Variants in FBXO34 observed in about 807,000 individuals in gnomAD.
FBXO34 encodes the protein F-box protein 34, also known as F-box only protein 34.
A neutral mutation model predicts 24.5 loss-of-function variants in FBXO34; 12 were observed. The observed-to-expected ratio is 0.49, with a 90% CI of 0.31 to 0.79. The LOEUF (loss-of-function observed/expected upper bound fraction) is 0.79, where lower values mean the gene tolerates loss of function less well. Among genes scored for constraint, FBXO34 ranks in the 30% least tolerant of loss-of-function variants. The pLI is 0.04. For synonymous variants in FBXO34, 320 were observed against 311.9 expected, an observed-to-expected ratio of 1.03 and a Z score of -0.27; for missense variants, 823 against 857.7, an observed-to-expected ratio of 0.96 and a Z score of 0.51.
intron 1 of FBXO34, among the ~76,000 whole-genome samples, chr14:55,344,972 C>G (rs1211061181): frequency 6.6e-6 from 1 of 152,194 alleles, no homozygotes; most frequent in East Asian, 1.9e-4. Context: ...ATACCAGTGT[C>G]TAGCCCAGAG....
intron 3 of FBXO34, among the ~76,000 whole-genome samples, chr14:55,360,400 A>G (rs892491934): frequency 2.0e-5 from 3 of 152,104 alleles, no homozygotes; most frequent in Non-Finnish European, 4.4e-5. Flanking sequence ...TTGCTCATCC[A>G]TAAGAAGCAA....
chr14:55,378,172 G>A, the FBXO34 span: 1 of 974,852 alleles, frequency 1.0e-6, no homozygotes, highest in African/African-American at 1.6e-5. Flanking sequence ...CACATACTCT[G>A]TGCCCTTTTA....
intron 1 of FBXO34, among the ~76,000 whole-genome samples, chr14:55,342,099 A>G (rs773761614): frequency 6.6e-4 from 101 of 152,208 alleles, no homozygotes; most frequent in Non-Finnish European, 1.5e-4. Flanking sequence ...CCAACTTGTC[A>G]ATATTCCTTT....
the FBXO34 span, among the ~76,000 whole-genome samples, chr14:55,421,729 C>T: frequency 1.3e-5 from 2 of 152,202 alleles, no homozygotes; most frequent in Non-Finnish European, 2.9e-5. Context: ...TCCCAAAGTG[C>T]TGGGATTACA....
chr14:55,425,101 C>G, the FBXO34 span, among the ~76,000 whole-genome samples: 2 of 152,336 alleles, frequency 1.3e-5, no homozygotes, highest in East Asian at 3.9e-4. Flanking sequence ...CAGCAATGAA[C>G]AAGACCCAAA....
chr14:55,362,942 C>T (rs571357317), downstream of FBXO34, among the ~76,000 whole-genome samples: 1 of 151,952 alleles, frequency 6.6e-6, no homozygotes, highest in East Asian at 1.9e-4. Context: ...AAATACCACA[C>T]CCAAAGGGAA....
chr14:55,364,578 C>T (rs908821513), downstream of FBXO34, among the ~76,000 whole-genome samples: 4 of 151,940 alleles, frequency 2.6e-5, no homozygotes, highest in South Asian at 2.1e-4. Context: ...GCATGCACCA[C>T]GACACCTGGC....
intron 1 of FBXO34, among the ~76,000 whole-genome samples, chr14:55,313,545 A>G (rs1379632488): frequency 2.0e-5 from 3 of 152,218 alleles, no homozygotes; most frequent in Non-Finnish European, 4.4e-5. Flanking sequence ...ATTGCTGTAA[A>G]AAAAACTGCC....
At chr14:55,431,556 A>G in the FBXO34 span, among the ~76,000 whole-genome samples, 1 of 152,238 alleles carries the variant, frequency 6.6e-6, no homozygotes, top group African/African-American at 2.4e-5. Context: ...TGAAATGAAC[A>G]TTATTACAGA....
chr14:55,377,370 T>C, the FBXO34 span, among the ~76,000 whole-genome samples: 1 of 151,798 alleles, frequency 6.6e-6, no homozygotes, highest in African/African-American at 2.4e-5. Context: ...AAATTGTGAA[T>C]TGTTACGACG....
At chr14:55,331,664 G>GGTGTGT (rs1346954796) in intron 1 of FBXO34, among the ~76,000 whole-genome samples, 1 of 67,072 alleles carries the variant, frequency 1.5e-5, no homozygotes, top group African/African-American at 9.3e-5. Flanking sequence ...ATACCAACAT[G>GGTGTGT]GTGTGTGTAT....
chr14:55,284,500 G>A (rs1486492808), intron 1 of FBXO34, among the ~76,000 whole-genome samples: 13 of 121,934 alleles, frequency 1.1e-4, no homozygotes, highest in Non-Finnish European at 2.1e-4. Context: ...CAACAAGAGT[G>A]AACCTCTGTC....
At chr14:55,365,509 T>A (rs1230741041), downstream of FBXO34, among the ~76,000 whole-genome samples, 1 of 152,124 alleles carries the variant, frequency 6.6e-6, no homozygotes, top group Non-Finnish European at 1.5e-5. Context: ...AGTTTCAAGT[T>A]TTCTGGTACA....
chr14:55,410,401 C>A, the FBXO34 span, among the ~76,000 whole-genome samples: 3 of 152,182 alleles, frequency 2.0e-5, no homozygotes, highest in East Asian at 5.8e-4. Flanking sequence ...TTAGACATTT[C>A]CATCTCATAC....
downstream of FBXO34, among the ~76,000 whole-genome samples, chr14:55,364,849 A>G (rs1407631456): frequency 1.3e-5 from 2 of 149,978 alleles, no homozygotes; most frequent in African/African-American, 2.5e-5. Context: ...TGATCCTCCC[A>G]GCTCAACCTC....
At chr14:55,314,451 G>A (rs1009186636) in intron 1 of FBXO34, among the ~76,000 whole-genome samples, 2 of 152,162 alleles carry the variant, frequency 1.3e-5, no homozygotes, top group African/African-American at 4.8e-5. Context: ...AAGGGAAGCT[G>A]CTATCTTCCT....
At chr14:55,442,939 A>G in the FBXO34 span, among the ~76,000 whole-genome samples, 2 of 152,202 alleles carry the variant, frequency 1.3e-5, no homozygotes, top group Non-Finnish European at 2.9e-5. Context: ...GAAGGCAGCC[A>G]TCTGCGAATG....
chr14:55,296,386 TTTTTG>T lies in FBXO34; in HGVS notation c.-11+24854_-11+24858del, dbSNP rs1264623728. On this transcript the variant is annotated intron_variant, in intron 1 of 1. Transcript: ENST00000313833. ...GGTAGGTTTTGCTGTTCTTGTGTTT[TTTTTG>T]TTTTTTTTTTTTTTTTTTTTTTTTG... 3.8e-3 allele frequency among the ~76,000 whole-genome samples: 432 copies of T among 112,384 alleles called. 6 individuals carry two copies. Among genetic ancestry groups the T allele is most frequent in the Non-Finnish European group, 6.6e-3 (342 of 52,050 alleles). The allele number at this position is 112,384 out of a possible 152,430, so 73.7% of individuals were successfully genotyped here. A position where few individuals can be genotyped will look rare whatever the true frequency, so the allele number is the denominator to read the frequency against.
At chr14:55,298,444 A>G (rs1594735449) in intron 1 of FBXO34, among the ~76,000 whole-genome samples, 2 of 152,088 alleles carry the variant, frequency 1.3e-5, no homozygotes, top group East Asian at 3.9e-4. Context: ...TGCTACTGTT[A>G]TTACTACTTT....
Sources: gnomAD v4.1 joint callset for allele counts (sites outside exome capture counted in the v4.1 genomes callset) on GRCh38, gnomAD v4.1.1 for gene constraint, MANE v1.5 for transcripts, NCBI Gene and HGNC (gene_info 2026-07-23, HGNC 2026-07-21) for gene names.